The following GLB1 variants were observed in gnomAD, a reference collection of about 807,000 sequenced individuals.
GLB1 encodes galactosidase beta 1, also known as beta-galactosidase.
Under a neutral mutation model 74.0 loss-of-function variants are expected in GLB1, and 56 were observed. The observed-to-expected ratio is 0.76, with a 90% CI of 0.61 to 0.94. The LOEUF is 0.94. GLB1 is among the 40% of genes least tolerant of loss of function. GLB1 has a pLI of 0.00. For missense variants in GLB1, 787 were observed against 845.5 expected (o/e 0.93, Z 0.86); for synonymous variants, 323 against 323.6 (o/e 1.00, Z 0.02).
the GLB1 span, among the ~76,000 whole-genome samples, chr3:32,963,699 C>A: frequency 6.6e-6 from 1 of 152,186 alleles, no homozygotes; most frequent in Non-Finnish European, 1.5e-5. Context: ...ATACCATTCA[C>A]AAATGTCCAT....
At chr3:32,976,769 A>G in the GLB1 span, among the ~76,000 whole-genome samples, 1 of 152,216 alleles carries the variant, frequency 6.6e-6, no homozygotes, top group South Asian at 2.1e-4. Context: ...TAGATGGGAC[A>G]GGTTTAATTT....
chr3:33,057,071 CG>C (rs986259084), intron 6 of GLB1, among the ~76,000 whole-genome samples: 2 of 152,204 alleles, frequency 1.3e-5, no homozygotes, highest in African/African-American at 2.4e-5. Context: ...GCGACTGGAT[CG>C]TGGGGGCAAA....
intron 15 of GLB1, among the ~76,000 whole-genome samples, chr3:33,011,638 CA>C (rs11342344): frequency 0.32 from 26,324 of 83,254 alleles, 2,349 homozygotes; most frequent in Middle Eastern, 0.49. Context: ...GAGTCCATCT[CA>C]AAAAAAAAAA....
In GLB1 at chr3:33,048,957, T is replaced by C. The variant is rs544887849; in HGVS notation, c.956-2725A>G. Among the ~76,000 whole-genome samples, 7 of 152,232 alleles carry C rather than the reference T, an allele frequency of 4.6e-5. No homozygotes were observed. In the South Asian group the frequency reaches 8.3e-4, roughly 18 times the overall value. Reference sequence around the variant, plus strand: ...AAGGCAACAGAGGAAGAAAGGGGAATTCTATGGATTATGGCAGAGGGAGGG... The same window carrying C: ...AAGGCAACAGAGGAAGAAAGGGGAACTCTATGGATTATGGCAGAGGGAGGG... On this transcript the variant is annotated intron_variant, in intron 9 of 15. Transcript: ENST00000307363.
At chr3:33,066,597 T>C (rs1699692996) in intron 4 of GLB1, among the ~76,000 whole-genome samples, 1 of 152,172 alleles carries the variant, frequency 6.6e-6, no homozygotes, top group African/African-American at 2.4e-5. Flanking sequence ...GAAAACAGAC[T>C]AAGACCATCC....
intron 11 of GLB1, among the ~76,000 whole-genome samples, chr3:33,023,074 A>G (rs890342403): frequency 2.0e-5 from 3 of 152,242 alleles, no homozygotes; most frequent in Non-Finnish European, 2.9e-5. Flanking sequence ...GCTATCTTCA[A>G]CTGTATATAT....
At chr3:33,053,687 G>C (rs1699097377) in intron 6 of GLB1, 138 bp from the exon 7 acceptor site, 2 of 1,146,078 alleles carry the variant, frequency 1.7e-6, no homozygotes, top group Admixed American at 4.0e-5. Flanking sequence ...TCTCATGTTG[G>C]AACTTAACAC....
intron 15 of GLB1, among the ~76,000 whole-genome samples, chr3:32,999,021 T>G (rs1412579720): frequency 6.6e-6 from 1 of 152,222 alleles, no homozygotes; most frequent in Non-Finnish European, 1.5e-5. Flanking sequence ...ACAATGATGA[T>G]GAAGGAACAG....
At chr3:32,964,159 G>A in the GLB1 span, among the ~76,000 whole-genome samples, 7 of 152,174 alleles carry the variant, frequency 4.6e-5, no homozygotes, top group Admixed American at 1.3e-4. Context: ...CATTGGAGGC[G>A]AGCAGGCAGG....
intron 5 of GLB1, among the ~76,000 whole-genome samples, chr3:33,063,161 T>C (rs1337271584): frequency 6.6e-6 from 1 of 151,780 alleles, no homozygotes; most frequent in East Asian, 1.9e-4. Flanking sequence ...TTTTGAACGA[T>C]ATGAAAAAGT....
intron 2 of GLB1, among the ~76,000 whole-genome samples, chr3:33,071,213 G>T (rs1699875351): frequency 6.6e-6 from 1 of 152,190 alleles, no homozygotes; most frequent in Admixed American, 6.5e-5. Context: ...AACAGTCTTG[G>T]TCTTCCAGAA....
At chr3:33,000,810 G>A (rs972983633) in intron 15 of GLB1, among the ~76,000 whole-genome samples, 1 of 152,132 alleles carries the variant, frequency 6.6e-6, no homozygotes, top group South Asian at 2.1e-4. Flanking sequence ...CTAAGGTATG[G>A]TGAGATCCTA....
At chr3:33,094,312 A>G in intron 1 of GLB1, 1 of 1,482,520 alleles carries the variant, frequency 6.7e-7, no homozygotes, top group Non-Finnish European at 8.9e-7. Context: ...GCCTGCAACC[A>G]GGAACCAGCA....
At chr3:32,989,277 C>A in the GLB1 span, among the ~76,000 whole-genome samples, 3 of 152,202 alleles carry the variant, frequency 2.0e-5, no homozygotes, top group South Asian at 6.2e-4. Context: ...GGAAGAGCTC[C>A]CCTCCAGAGA....
At position 33,061,935 on chromosome 3, in the gene GLB1, G is replaced by A. The variant is rs554678477; in HGVS notation, c.552+3528C>T. 3.3e-5 allele frequency among the ~76,000 whole-genome samples: 5 copies of A among 152,216 alleles called. No individual in the cohort carries two copies. In the East Asian group the frequency reaches 9.6e-4, roughly 29 times the overall value. On this transcript the variant is annotated intron_variant, in intron 5 of 15. Transcript: ENST00000307363. Reference sequence around the variant, plus strand: ...GACGATGAATAAAAGCACAGACCTGGTTTCCTGTATCTGTAACACAACAGT... The same window carrying A: ...GACGATGAATAAAAGCACAGACCTGATTTCCTGTATCTGTAACACAACAGT...
the GLB1 span, among the ~76,000 whole-genome samples, chr3:32,989,410 T>G: frequency 6.6e-6 from 1 of 152,308 alleles, no homozygotes; most frequent in South Asian, 2.1e-4. Flanking sequence ...CCTGGGGAAT[T>G]TGCTGAGTGT....
the GLB1 span, among the ~76,000 whole-genome samples, chr3:32,975,648 A>T: frequency 6.6e-6 from 1 of 152,246 alleles, no homozygotes; most frequent in Non-Finnish European, 1.5e-5. Context: ...ATTTACAAAC[A>T]AATAGAAAAT....
chr3:32,996,913 A>G lies in GLB1; in HGVS notation c.*132T>C. 6.4e-7 allele frequency: 1 copy of G among 1,551,374 alleles called. No homozygotes were observed. Among genetic ancestry groups the G allele is most frequent in the East Asian group, 2.3e-5 (1 of 44,344 alleles). Reference sequence around the variant, plus strand: ...CTTTGGCACTGCAGGGATGCAGGGAAACCTCAGGTGAAAATGCACATCCTA... The same window carrying G: ...CTTTGGCACTGCAGGGATGCAGGGAGACCTCAGGTGAAAATGCACATCCTA... On this transcript the variant is annotated 3_prime_UTR_variant, in exon 16 of 16. Transcript: ENST00000307363.
chr3:33,097,117 C>G lies in GLB1; in HGVS notation c.-32G>C, dbSNP rs1480860648. ...CAGCCTCCCGGCTCTGCAGTCGGCG[C>G]CCAGGCCGGCCGCTTCGCGTCACTT... On this transcript the variant is annotated 5_prime_UTR_variant, in exon 1 of 16. Coordinates refer to ENST00000307363, the MANE Select transcript of GLB1 (RefSeq NM_000404.4). 6.2e-7 allele frequency: 1 copy of G among 1,609,026 alleles called. No homozygotes were observed. Among genetic ancestry groups the G allele is most frequent in the Admixed American group, 1.7e-5 (1 of 59,518 alleles).
Sources: allele counts gnomAD v4.1 joint callset (sites outside exome capture counted in the v4.1 genomes callset), GRCh38; gene constraint gnomAD v4.1.1; transcripts MANE v1.5; gene names NCBI Gene and HGNC (gene_info 2026-07-23, HGNC 2026-07-21).